EPHX2: variants seen among roughly 807,000 people sequenced by gnomAD.
The protein encoded by EPHX2 is epoxide hydrolase 2.
Under a neutral mutation model 78.7 loss-of-function variants are expected in EPHX2, and 74 were observed. The ratio of observed to expected loss-of-function variants is 0.94; its 90% CI spans 0.78 to 1.14. The LOEUF (loss-of-function observed/expected upper bound fraction) is 1.14, where lower values mean the gene tolerates loss of function less well. Among genes scored for constraint, EPHX2 ranks in the 50% most tolerant of loss-of-function variants. The pLI is 0.00. For synonymous variants in EPHX2, 251 were observed against 255.2 expected (o/e 0.98, Z 0.16); for missense variants, 715 against 702.5 (o/e 1.02, Z -0.20).
intron 1 of EPHX2, among the ~76,000 whole-genome samples, chr8:27,493,594 G>C (rs983342808): frequency 6.6e-6 from 1 of 152,178 alleles, no homozygotes; most frequent in African/African-American, 2.4e-5. Context: ...TAGTTGTATG[G>C]TCCTGGGCTG....
In EPHX2 at chr8:27,539,931, G is replaced by A. The variant is rs900680696; in HGVS notation, c.1277-623G>A. On this transcript the variant is annotated intron_variant, in intron 14 of 18. Coordinates refer to ENST00000521400, the MANE Select transcript of EPHX2 (RefSeq NM_001979.6). ...CGGGCCCTGTTCAGGCACCAGCATT[G>A]AGGCTGTGCCCTGTGAAATTGCAGT... 4.6e-5 allele frequency among the ~76,000 whole-genome samples: 7 copies of A among 152,162 alleles called. No homozygotes were observed. The East Asian group carries it at 1.3e-3, about 29-fold the overall frequency.
downstream of EPHX2, among the ~76,000 whole-genome samples, chr8:27,547,766 A>AT (rs1176928345): frequency 2.0e-5 from 3 of 151,406 alleles, no homozygotes; most frequent in Non-Finnish European, 4.4e-5. Context: ...TAGGAAATGA[A>AT]TTTTTTTTTA....
chr8:27,544,389 G>A, intron 18 of EPHX2, 55 bp from the exon 19 acceptor site: 12 of 1,605,986 alleles, frequency 7.5e-6, no homozygotes, highest in Non-Finnish European at 1.0e-5. Flanking sequence ...TGGCTGGGTA[G>A]GTGCAGACAA....
Position 27,515,757 on chromosome 8 carries a change from C to T in EPHX2, c.775C>T (p.Pro259Ser), listed in dbSNP as rs143412145. The change falls in exon 7 of 19, where the codon CCT (proline) becomes TCT (serine). Residue 259 changes from proline to serine, a missense_variant. Transcript: ENST00000521400. ...RLHFVELGSG[P>S]AVCLCHGFPE... ...GCATTTTGTGGAGCTGGGCTCCGGC[C>T]CTGCTGTGTGCCTCTGCCATGGATT... 43 of 1,614,088 alleles carry T rather than the reference C, an allele frequency of 2.7e-5. No individual in the cohort carries two copies. The highest frequency in any genetic ancestry group is 1.5e-4 in the African/African-American group (11 of 75,048).
intron 12 of EPHX2, among the ~76,000 whole-genome samples, chr8:27,530,475 T>C (rs981756600): frequency 1.3e-5 from 2 of 152,204 alleles, no homozygotes; most frequent in Admixed American, 6.5e-5. Flanking sequence ...CAAATATATG[T>C]GTGTATGAGC....
intron 9 of EPHX2, among the ~76,000 whole-genome samples, chr8:27,520,066 T>A (rs1814593941): frequency 6.6e-6 from 1 of 151,956 alleles, no homozygotes; most frequent in Admixed American, 6.5e-5. Context: ...GGTCTTCAAC[T>A]TCTGGGCTCA....
At chr8:27,511,156 C>T (rs969780163) in intron 5 of EPHX2, among the ~76,000 whole-genome samples, 2 of 152,192 alleles carry the variant, frequency 1.3e-5, no homozygotes, top group Admixed American at 1.3e-4. Context: ...GTTCTTGAAA[C>T]CACATAAACT....
intron 5 of EPHX2, 149 bp from the exon 6 acceptor site, chr8:27,511,687 G>A: frequency 1.4e-6 from 1 of 706,944 alleles, no homozygotes; most frequent in East Asian, 2.7e-5. Context: ...GCTGGCAGGA[G>A]AGGGAGATGG....
chr8:27,494,473 C>T lies in EPHX2; in HGVS notation c.101+3164C>T, dbSNP rs116932590. On this transcript the variant is annotated intron_variant, in intron 1 of 18. Transcript: ENST00000521400. ...CTAGGAATTACTTCATGAATTAGGA[C>T]TTTAACCACTTCTTGAGCCTTCTCT... Among the ~76,000 whole-genome samples the T allele has an allele frequency of 9.0e-3, 1,372 of 152,328 alleles. 14 individuals are homozygous for T. The highest frequency in any genetic ancestry group is 0.016 in the South Asian group (76 of 4,826).
chr8:27,531,028 G>A (rs919956907), intron 12 of EPHX2, among the ~76,000 whole-genome samples: 14 of 152,116 alleles, frequency 9.2e-5, no homozygotes, highest in African/African-American at 2.9e-4. Flanking sequence ...CTCCCAAAGC[G>A]CTGGGATTAC....
At chr8:27,494,014 G>T (rs780814621) in intron 1 of EPHX2, among the ~76,000 whole-genome samples, 9 of 152,142 alleles carry the variant, frequency 5.9e-5, no homozygotes, top group Non-Finnish European at 1.2e-4. Context: ...GGGGGTCCAG[G>T]GGTGAATGGT....
chr8:27,509,415 A>G (rs563540958), intron 5 of EPHX2, among the ~76,000 whole-genome samples: 4 of 152,224 alleles, frequency 2.6e-5, no homozygotes, highest in South Asian at 2.1e-4. Context: ...ACTGGATCAT[A>G]TGGAAATTCT....
intron 12 of EPHX2, among the ~76,000 whole-genome samples, chr8:27,535,819 C>T (rs1294108666): frequency 6.6e-6 from 1 of 152,156 alleles, no homozygotes; most frequent in Admixed American, 6.5e-5. Context: ...GGAATCTCCT[C>T]CCCAGCCCTC....
intron 3 of EPHX2, among the ~76,000 whole-genome samples, chr8:27,504,017 C>T (rs1369919067): frequency 2.0e-5 from 3 of 152,202 alleles, no homozygotes; most frequent in African/African-American, 7.2e-5. Context: ...TCATTCTCCC[C>T]TTCAATGGCA....
At chr8:27,501,034 G>A (rs772199523) in intron 2 of EPHX2, 24 bp downstream of exon 2, 3 of 1,603,842 alleles carry the variant, frequency 1.9e-6, no homozygotes, top group Non-Finnish European at 2.6e-6. Context: ...ACCACACAGA[G>A]CCCTTTGGAT....
Position 27,536,835 on chromosome 8 carries a change from C to A in EPHX2, c.1222C>A (p.Leu408Ile). The A allele has an allele frequency of 6.2e-7, 1 of 1,613,448 alleles. No individual in the cohort carries two copies. The highest frequency in any genetic ancestry group is 1.3e-5 in the African/African-American group (1 of 74,774). ...GAACCTGAGTCGGACTTTCAAAAGC[C>A]TCTTCAGAGCAAGCGATGAGGTGAG... ...EQNLSRTFKSLFRASDESVLS... is the reference protein window; with the variant it reads ...EQNLSRTFKSIFRASDESVLS... Residue 408 changes from leucine to isoleucine, a missense_variant, in exon 13 of 19, where the codon CTC becomes ATC. Transcript: ENST00000521400.
intron 1 of EPHX2, among the ~76,000 whole-genome samples, chr8:27,495,555 C>G (rs371498251): frequency 6.6e-6 from 1 of 152,146 alleles, no homozygotes; most frequent in Non-Finnish European, 1.5e-5. Flanking sequence ...CACACACAAG[C>G]GCCTGGTATC....
intron 9 of EPHX2, among the ~76,000 whole-genome samples, chr8:27,519,677 C>T (rs769403550): frequency 3.9e-5 from 6 of 152,186 alleles, no homozygotes; most frequent in Admixed American, 6.5e-5. Flanking sequence ...GCCTGGCTAC[C>T]GTAACAAAGC....
At chr8:27,545,737 G>A (rs959214288), downstream of EPHX2, among the ~76,000 whole-genome samples, 6 of 152,144 alleles carry the variant, frequency 3.9e-5, no homozygotes, top group Non-Finnish European at 8.8e-5. Flanking sequence ...CACGCACAAT[G>A]GCCTCGCTGC....
Sources: allele counts gnomAD v4.1 joint callset (sites outside exome capture counted in the v4.1 genomes callset), GRCh38; gene constraint gnomAD v4.1.1; transcripts MANE v1.5; gene names NCBI Gene and HGNC (gene_info 2026-07-23, HGNC 2026-07-21).